Variants in PARD3B observed in about 807,000 individuals in gnomAD.
PARD3B encodes the protein partitioning defective 3 homolog B.
A neutral mutation model predicts 130.2 loss-of-function variants in PARD3B; 103 were observed. The observed-to-expected ratio is 0.79, with a 90% confidence interval of 0.67 to 0.93. The LOEUF is 0.93. Among genes scored for constraint, PARD3B ranks in the 40% least tolerant of loss-of-function variants. The pLI is 0.00. For missense variants in PARD3B, 1,609 were observed against 1,499.2 expected (o/e 1.07, Z -1.21); for synonymous variants, 583 against 553.2 (o/e 1.05, Z -0.76).
intron 1 of PARD3B, among the ~76,000 whole-genome samples, chr2:204,574,725 G>A (rs1438574153): frequency 1.3e-5 from 2 of 152,148 alleles, no homozygotes; most frequent in African/African-American, 4.8e-5. Flanking sequence ...TGCTTATATG[G>A]TGCTGGACAC....
chr2:204,770,975 A>G (rs747916213), intron 2 of PARD3B, among the ~76,000 whole-genome samples: 1 of 152,112 alleles, frequency 6.6e-6, no homozygotes, highest in Non-Finnish European at 1.5e-5. Context: ...TGGGAGAAGG[A>G]GAAAGGTTCA....
At chr2:205,226,817 G>T (rs1168954744) in intron 15 of PARD3B, among the ~76,000 whole-genome samples, 1 of 152,092 alleles carries the variant, frequency 6.6e-6, no homozygotes, top group African/African-American at 2.4e-5. Context: ...TGTTCAGTTT[G>T]CTCAGGATGG....
intron 3 of PARD3B, among the ~76,000 whole-genome samples, chr2:205,007,202 T>A (rs1695336278): frequency 2.0e-5 from 3 of 152,160 alleles, no homozygotes; most frequent in African/African-American, 2.4e-5. Context: ...AGTGCCTGCT[T>A]CCCCTTCACC....
At chr2:205,457,283 A>G (rs145801173) in intron 20 of PARD3B, among the ~76,000 whole-genome samples, 262 of 152,030 alleles carry the variant, frequency 1.7e-3, no homozygotes, top group African/African-American at 5.0e-3. Context: ...TGTTTGTTGT[A>G]TTCCCTTATT....
intron 3 of PARD3B, among the ~76,000 whole-genome samples, chr2:205,038,190 C>G (rs1444428078): frequency 6.6e-6 from 1 of 152,132 alleles, no homozygotes; most frequent in East Asian, 1.9e-4. Flanking sequence ...CCTTGAGGTC[C>G]TTGAATGCCA....
chr2:205,019,268 G>A (rs1175541827), intron 3 of PARD3B, among the ~76,000 whole-genome samples: 11 of 151,936 alleles, frequency 7.2e-5, no homozygotes, highest in South Asian at 2.1e-4. Context: ...GCCTTTTCCC[G>A]CCTAGCATGT....
At chr2:204,804,268 A>G (rs73066645) in intron 2 of PARD3B, among the ~76,000 whole-genome samples, 2,600 of 152,268 alleles carry the variant, frequency 0.017, 67 homozygotes, top group African/African-American at 0.057. Context: ...CAGTTTACCT[A>G]TAAAGATACA....
In PARD3B at chr2:205,146,142, T is replaced by C. The variant is rs1055104047; in HGVS notation, c.1435-12580T>C. Among the ~76,000 whole-genome samples, 1 of 152,240 alleles carries C rather than the reference T, an allele frequency of 6.6e-6. No homozygotes were observed. On this transcript the variant is annotated intron_variant, in intron 10 of 22. Transcript: ENST00000406610. This position sits in a 1 kb window ranked among gnomAD's most constrained non-coding sequence, Gnocchi z 4.3. ...TGGATACAGCAGGCACCGTAGCCCA[T>C]GTACTCACTTTAATGAGATGCTCTG... is the stretch of plus-strand genomic sequence containing the variant.
At chr2:205,221,909 T>C (rs1340962821) in intron 15 of PARD3B, among the ~76,000 whole-genome samples, 1 of 152,084 alleles carries the variant, frequency 6.6e-6, no homozygotes, top group East Asian at 1.9e-4. Flanking sequence ...AAACATTATA[T>C]GCTGGACACA....
intron 2 of PARD3B, among the ~76,000 whole-genome samples, chr2:204,756,945 T>G (rs898012550): frequency 3.9e-5 from 6 of 152,090 alleles, no homozygotes; most frequent in Non-Finnish European, 7.4e-5. Flanking sequence ...ATCTCGTGTT[T>G]ATTGTTCCAT....
In PARD3B at chr2:205,527,423, TCTTA is replaced by T. The variant is rs2051387504; in HGVS notation, c.3181-25897_3181-25894del. 2.0e-5 allele frequency among the ~76,000 whole-genome samples: 3 copies of T among 152,304 alleles called. 1 individual carries two copies. Among genetic ancestry groups the T allele is most frequent in the African/African-American group, 7.2e-5 (3 of 41,560 alleles). On this transcript the variant is annotated intron_variant, in intron 21 of 22. Transcript: ENST00000406610. ...TCAGTAAAAGAGAAAAGAGCTTAGC[TCTTA>T]CTTCTTTTATATAAGTGGACTATGG...
chr2:204,856,205 T>C (rs2044931217), intron 2 of PARD3B, among the ~76,000 whole-genome samples: 1 of 152,172 alleles, frequency 6.6e-6, no homozygotes, highest in Non-Finnish European at 1.5e-5. Context: ...TCTTCACCAA[T>C]ATTTATCACT....
chr2:205,524,245 G>A (rs1275737174), intron 21 of PARD3B, among the ~76,000 whole-genome samples: 2 of 152,032 alleles, frequency 1.3e-5, no homozygotes, highest in Non-Finnish European at 2.9e-5. Context: ...GGTTTCTGCT[G>A]TTTTCTTGCT....
At chr2:205,041,074 C>G (rs910481830) in intron 3 of PARD3B, among the ~76,000 whole-genome samples, 1 of 152,110 alleles carries the variant, frequency 6.6e-6, no homozygotes, top group African/African-American at 2.4e-5. Context: ...GTATGAAATC[C>G]TGGCTTTTGC....
At chr2:204,884,947 A>G (rs913257034) in intron 2 of PARD3B, among the ~76,000 whole-genome samples, 9 of 152,188 alleles carry the variant, frequency 5.9e-5, no homozygotes, top group East Asian at 5.8e-4. Context: ...ATACAAATGC[A>G]TGTGTCTTTA....
intron 2 of PARD3B, among the ~76,000 whole-genome samples, chr2:204,820,788 C>A (rs1332174105): frequency 2.7e-5 from 4 of 150,812 alleles, no homozygotes; most frequent in African/African-American, 9.8e-5. Context: ...TGCACTCCAG[C>A]CTGGGTGATA....
At chr2:204,879,275 A>G (rs2045953587) in intron 2 of PARD3B, among the ~76,000 whole-genome samples, 1 of 152,198 alleles carries the variant, frequency 6.6e-6, no homozygotes, top group African/African-American at 2.4e-5. Flanking sequence ...GGGCCGTGAC[A>G]GGCAACCCAC....
At chr2:205,055,393 C>A (rs901827634) in intron 4 of PARD3B, among the ~76,000 whole-genome samples, 1 of 152,020 alleles carries the variant, frequency 6.6e-6, no homozygotes. Context: ...AAAGAAAGAA[C>A]ATTTACGACG....
chr2:205,483,766 A>C (rs948450183), intron 20 of PARD3B, among the ~76,000 whole-genome samples: 5 of 152,198 alleles, frequency 3.3e-5, no homozygotes, highest in African/African-American at 1.2e-4. Context: ...AAATATATAA[A>C]GAAATAACAT....
Sources: allele counts gnomAD v4.1 joint callset (sites outside exome capture counted in the v4.1 genomes callset), GRCh38; gene constraint gnomAD v4.1.1; non-coding constraint Gnocchi (gnomAD v3.1); transcripts MANE v1.5; gene names NCBI Gene and HGNC (gene_info 2026-07-23, HGNC 2026-07-21).